Variants in SH3BP4 observed in about 807,000 individuals in gnomAD.
SH3BP4 encodes the protein SH3 domain-binding protein 4.
In SH3BP4, 33 loss-of-function variants were observed where a neutral mutation model predicts 65.5. The observed-to-expected ratio is 0.50, with a 90% CI of 0.38 to 0.67. The LOEUF (loss-of-function observed/expected upper bound fraction) is 0.67, where lower values mean the gene tolerates loss of function less well. Among genes scored for constraint, SH3BP4 ranks in the 30% least tolerant of loss-of-function variants. SH3BP4 has a pLI of 0.00. For synonymous variants in SH3BP4, 552 were observed against 545.5 expected (o/e 1.01, Z -0.17); for missense variants, 1,134 against 1,261.4 (o/e 0.90, Z 1.53).
At chr2:235,038,477 TTAA>T (rs1449769657) in intron 3 of SH3BP4, among the ~76,000 whole-genome samples, 2 of 133,886 alleles carry the variant, frequency 1.5e-5, no homozygotes, top group African/African-American at 2.7e-5. Flanking sequence ...ACAAAAGACA[TTAA>T]TAAGAGAAAA....
intron 2 of SH3BP4, among the ~76,000 whole-genome samples, chr2:235,005,687 G>A (rs909279221): frequency 2.0e-5 from 3 of 152,170 alleles, no homozygotes; most frequent in African/African-American, 7.2e-5. Context: ...TTGTGCTTCT[G>A]CCTTTCAGAG....
chr2:235,019,587 C>T (rs1376473905), intron 2 of SH3BP4, among the ~76,000 whole-genome samples: 1 of 151,922 alleles, frequency 6.6e-6, no homozygotes, highest in African/African-American at 2.4e-5. Context: ...CAGGCATGCA[C>T]CACCACACCT....
At position 234,958,429 on chromosome 2, in the gene SH3BP4, G is replaced by A. The variant is rs185467127; in HGVS notation, c.-207+6259G>A. ...ATTCAAGGAGGTGCTCGCCCTGGGG[G>A]GGTGTCTGGGGAAGGGTCTGTCCTG... On this transcript the variant is annotated intron_variant, in intron 1 of 5. Transcript: ENST00000392011. Among the ~76,000 whole-genome samples, 485 of 152,184 alleles carry A rather than the reference G, an allele frequency of 3.2e-3. 1 individual carries two copies. Among genetic ancestry groups the A allele is most frequent in the African/African-American group, 0.011 (464 of 41,512 alleles).
chr2:234,988,799 T>A (rs747832627), intron 1 of SH3BP4, among the ~76,000 whole-genome samples: 7 of 152,214 alleles, frequency 4.6e-5, no homozygotes, highest in Non-Finnish European at 1.0e-4. Context: ...TCCATTTTTA[T>A]GCTTAGTATT....
rs995612028 is a variant in SH3BP4, at chr2:234,997,126, G to A, written c.-133+1750G>A. Among the ~76,000 whole-genome samples, 2 of 152,242 alleles carry A rather than the reference G, an allele frequency of 1.3e-5. No homozygotes were observed. The highest frequency in any genetic ancestry group is 4.8e-5 in the African/African-American group (2 of 41,470). ...GGATACAGCGGGCAGAGCGTTGCAT[G>A]TGCCTCTGGGTGGGGTGTAGGGGTG... On this transcript the variant is annotated intron_variant, in intron 2 of 5. Coordinates refer to ENST00000392011, the MANE Select transcript of SH3BP4 (RefSeq NM_014521.3). This position sits in a 1 kb window ranked among gnomAD's most constrained non-coding sequence, Gnocchi z 4.2.
chr2:235,031,976 A>G (rs1695217256), intron 2 of SH3BP4, among the ~76,000 whole-genome samples: 1 of 152,218 alleles, frequency 6.6e-6, no homozygotes, highest in South Asian at 2.1e-4. Context: ...ACCCTCCATG[A>G]AATAATTCCT....
chr2:235,050,817 C>T (rs927816299), intron 4 of SH3BP4, among the ~76,000 whole-genome samples: 1 of 151,760 alleles, frequency 6.6e-6, no homozygotes, highest in Non-Finnish European at 1.5e-5. Flanking sequence ...CAAAGAGCGC[C>T]GGTACCAGCG....
rs1304238184 is a variant in SH3BP4 at position 235,055,336 on chromosome 2, A to G, written c.*1520A>G. The stretch of plus-strand genomic sequence containing the variant: ...TACTGGCCTGAAACGTTGTATAGCT[A>G]CTTATTCAGATACTGAAGACCAACG... On this transcript the variant is annotated 3_prime_UTR_variant, in exon 6 of 6. Coordinates refer to ENST00000392011, the MANE Select transcript of SH3BP4 (RefSeq NM_014521.3). 6.6e-6 allele frequency: 1 copy of G among 152,602 alleles called. No individual in the cohort carries two copies. Among genetic ancestry groups the G allele is most frequent in the Non-Finnish European group, 1.5e-5 (1 of 68,040 alleles). The allele number at this position is 152,602 out of a possible 1,614,324, so 9.5% of individuals were successfully genotyped here. A position where few individuals can be genotyped will look rare whatever the true frequency, so the allele number is the denominator to read the frequency against.
intron 2 of SH3BP4, among the ~76,000 whole-genome samples, chr2:235,002,467 T>C (rs1694157849): frequency 1.3e-5 from 2 of 152,142 alleles, no homozygotes; most frequent in Non-Finnish European, 2.9e-5. Flanking sequence ...ATGCGGTGGC[T>C]CATGACTGTA....
intron 1 of SH3BP4, among the ~76,000 whole-genome samples, chr2:234,964,014 G>A (rs924452939): frequency 3.3e-5 from 5 of 152,214 alleles, no homozygotes; most frequent in African/African-American, 7.2e-5. Context: ...ATTTATGGGC[G>A]GAATATTTTT....
chr2:235,038,312 T>TAGTATATATAC (rs1491342675), intron 3 of SH3BP4, among the ~76,000 whole-genome samples: 2 of 10,260 alleles, frequency 1.9e-4, no homozygotes, highest in Admixed American at 2.2e-3. Context: ...TATATATATA[T>TAGTATATATAC]TATATATTAT....
At chr2:235,005,233 T>C (rs1180361874) in intron 2 of SH3BP4, among the ~76,000 whole-genome samples, 1 of 152,200 alleles carries the variant, frequency 6.6e-6, no homozygotes, top group Non-Finnish European at 1.5e-5. Context: ...TCTGTCTGTC[T>C]GTCTGTCCCT....
In SH3BP4 at chr2:235,026,304, G is replaced by A. The variant is rs898499074; in HGVS notation, c.-132-8567G>A. ...CATCTGGAATCATGACTCCAGCCGC[G>A]CTAGCCATCTCACTTTTTACAATAA... On this transcript the variant is annotated intron_variant, in intron 2 of 5. Transcript: ENST00000392011. This position sits in a 1 kb window ranked among gnomAD's most constrained non-coding sequence, Gnocchi z 4.6. Among the ~76,000 whole-genome samples, 3 of 152,102 alleles carry A rather than the reference G, an allele frequency of 2.0e-5. No individual in the cohort carries two copies. The highest frequency in any genetic ancestry group is 4.4e-5 in the Non-Finnish European group (3 of 68,016).
chr2:235,018,992 A>G (rs1366876993), intron 2 of SH3BP4, among the ~76,000 whole-genome samples: 1 of 152,176 alleles, frequency 6.6e-6, no homozygotes, highest in Non-Finnish European at 1.5e-5. Context: ...TTATCAGCCA[A>G]GTGACGTTCT....
At chr2:234,982,861 G>A (rs930666140) in intron 1 of SH3BP4, among the ~76,000 whole-genome samples, 37 of 111,910 alleles carry the variant, frequency 3.3e-4, no homozygotes, top group African/African-American at 1.3e-3. Flanking sequence ...TGGCTCCAAG[G>A]GAGGAAGAGG....
At position 235,052,780 on chromosome 2, in the gene SH3BP4, G is replaced by A. The variant is rs57924475; in HGVS notation, c.2667+30G>A. 0.023 allele frequency: 35,423 copies of A among 1,535,276 alleles called. 493 individuals carry two copies. The highest frequency in any genetic ancestry group is 0.059 in the Middle Eastern group (263 of 4,484). ...GCAGCGGCTGAGCTTCGAGCTCACCGAGCCCCTCTGTCCCTGGGTTCCGTG... is the reference window on the plus strand; with the variant it reads ...GCAGCGGCTGAGCTTCGAGCTCACCAAGCCCCTCTGTCCCTGGGTTCCGTG... On this transcript the variant is annotated intron_variant, in intron 5 of 5. Transcript: ENST00000392011. This position sits in a 1 kb window ranked among gnomAD's most constrained non-coding sequence, Gnocchi z 5.0.
chr2:235,046,385 A>G lies in SH3BP4; in HGVS notation c.2478+3138A>G, dbSNP rs567640214. ...GGAATTCAAGACCAGCCTGAGCAAC[A>G]TAGTGAGGCTTCATCTCTCCAATTT... is the stretch of plus-strand genomic sequence containing the variant. On this transcript the variant is annotated intron_variant, in intron 4 of 5. Transcript: ENST00000392011. The surrounding 1 kb of genome is among the most constrained non-coding windows in gnomAD (Gnocchi z 4.2). 7.9e-5 allele frequency among the ~76,000 whole-genome samples: 12 copies of G among 152,086 alleles called. No homozygotes were observed. The South Asian group carries it at 2.5e-3, about 32-fold the overall frequency.
At chr2:234,986,090 C>T (rs1693549061) in intron 1 of SH3BP4, among the ~76,000 whole-genome samples, 1 of 149,188 alleles carries the variant, frequency 6.7e-6, no homozygotes, top group African/African-American at 2.6e-5. Context: ...GTGAACCAGC[C>T]CTTGACACAA....
chr2:235,036,416 G>A (rs1695380725), intron 3 of SH3BP4, among the ~76,000 whole-genome samples: 1 of 152,194 alleles, frequency 6.6e-6, no homozygotes, highest in African/African-American at 2.4e-5. Context: ...TTTGGGCAGA[G>A]TGTTAAAGTG....
Sources: allele counts gnomAD v4.1 joint callset (sites outside exome capture counted in the v4.1 genomes callset), GRCh38; gene constraint gnomAD v4.1.1; non-coding constraint Gnocchi (gnomAD v3.1); transcripts MANE v1.5; gene names NCBI Gene and HGNC (gene_info 2026-07-23, HGNC 2026-07-21).